The following MYLK4 variants were observed in gnomAD, a reference collection of about 807,000 sequenced individuals.
MYLK4 encodes caMLCK like.
A neutral mutation model predicts 48.1 loss-of-function variants in MYLK4; 46 were observed. That is an observed-to-expected ratio of 0.96 (90% confidence interval 0.75 to 1.22). MYLK4 has a LOEUF of 1.22. Among genes scored for constraint, MYLK4 ranks in the 50% most tolerant of loss-of-function variants. The pLI, the probability that MYLK4 is intolerant of heterozygous loss-of-function variation, is 0.00. For missense variants in MYLK4, 451 were observed against 486.1 expected (o/e 0.93, Z 0.68); for synonymous variants, 170 against 180.8 (o/e 0.94, Z 0.48).
rs113582800 is a variant in MYLK4 at position 2,676,479 on chromosome 6, C to T, written c.1041-1354G>A. Among the ~76,000 whole-genome samples, 39 of 152,284 alleles carry T rather than the reference C, an allele frequency of 2.6e-4. 1 individual carries two copies. Among genetic ancestry groups the T allele is most frequent in the African/African-American group, 8.2e-4 (34 of 41,562 alleles). On this transcript the variant is annotated intron_variant, in intron 10 of 12. Coordinates refer to ENST00000274643, the MANE Select transcript of MYLK4 (RefSeq NM_001012418.5). ...AAATGATGATTCTGTACTCTAGTGT[C>T]GAACTTCTTAAATCTGGCTATTAAA...
In MYLK4 at chr6:2,749,426, A is replaced by G. The variant is rs751167227; in HGVS notation, c.-112-20T>C. 3 of 701,658 alleles carry G rather than the reference A, an allele frequency of 4.3e-6. No individual in the cohort carries two copies. The highest frequency in any genetic ancestry group is 6.9e-6 in the Non-Finnish European group (3 of 431,752). 43.5% of individuals were successfully genotyped at this position (701,658 alleles called of 1,614,324 possible). On this transcript the variant is annotated intron_variant, in intron 1 of 12. Coordinates refer to ENST00000274643, the MANE Select transcript of MYLK4 (RefSeq NM_001012418.5). ...TCTTGACTGCAAAGAAAGGAAACACAAAAAGTTCTCATCACGTATTCATGC... is the reference window on the plus strand; with the variant it reads ...TCTTGACTGCAAAGAAAGGAAACACGAAAAGTTCTCATCACGTATTCATGC...
the MYLK4 span, among the ~76,000 whole-genome samples, chr6:2,766,686 T>G: frequency 6.6e-6 from 1 of 152,214 alleles, no homozygotes; most frequent in South Asian, 2.1e-4. Context: ...AAGGACGATG[T>G]CTGTGAATCC....
At position 2,684,878 on chromosome 6, in the gene MYLK4, C is replaced by A. The variant is rs1761467067; in HGVS notation, c.545+418G>T. On this transcript the variant is annotated intron_variant, in intron 6 of 12. Coordinates refer to ENST00000274643, the MANE Select transcript of MYLK4 (RefSeq NM_001012418.5). ...ATGACTGTACTCGGTTTCTAACTAA[C>A]CAGTCCTTATGTTTTTATAAAGGTG... Among the ~76,000 whole-genome samples the A allele has an allele frequency of 3.3e-5, 5 of 152,272 alleles. No individual in the cohort carries two copies. The South Asian group carries it at 1.0e-3, about 32-fold the overall frequency.
chr6:2,738,774 T>C (rs1763790172), intron 2 of MYLK4, among the ~76,000 whole-genome samples: 1 of 152,382 alleles, frequency 6.6e-6, no homozygotes, highest in East Asian at 1.9e-4. Context: ...CTGATAGCGC[T>C]TGTTTTCAAA....
Position 2,691,769 on chromosome 6 carries a change from G to A in MYLK4, c.235+1015C>T, listed in dbSNP as rs565358531. Among the ~76,000 whole-genome samples, 5 of 152,134 alleles carry A rather than the reference G, an allele frequency of 3.3e-5. No individual in the cohort carries two copies. The East Asian group carries it at 9.6e-4, about 29-fold the overall frequency. ...TGTCTACCAGTTGGTAGAAAACATA[G>A]AAAATAACAAAATGCCTGAAAATAT... is the stretch of plus-strand genomic sequence containing the variant. On this transcript the variant is annotated intron_variant, in intron 3 of 12. Transcript: ENST00000274643.
At chr6:2,758,311 A>C in the MYLK4 span, among the ~76,000 whole-genome samples, 1 of 151,688 alleles carries the variant, frequency 6.6e-6, no homozygotes. Context: ...ACAGTAATTT[A>C]TAATATTTTT....
At chr6:2,718,435 A>AG (rs1762948979) in intron 2 of MYLK4, among the ~76,000 whole-genome samples, 1 of 152,178 alleles carries the variant, frequency 6.6e-6, no homozygotes, top group Admixed American at 6.5e-5. Flanking sequence ...CTTTTGAAGA[A>AG]GGGGTAGCCA....
At chr6:2,763,884 T>C in the MYLK4 span, among the ~76,000 whole-genome samples, 4 of 151,524 alleles carry the variant, frequency 2.6e-5, no homozygotes, top group Admixed American at 6.6e-5. Flanking sequence ...CAGTGGCTCA[T>C]GCCTGTAATC....
intron 2 of MYLK4, among the ~76,000 whole-genome samples, chr6:2,716,019 C>CT (rs1262613272): frequency 3.9e-4 from 6 of 15,228 alleles, no homozygotes; most frequent in African/African-American, 9.5e-4. Context: ...TCTCTGCTGC[C>CT]TATTTTTTTT....
the MYLK4 span, chr6:2,766,461 C>A: frequency 6.7e-7 from 1 of 1,500,300 alleles, no homozygotes; most frequent in South Asian, 1.3e-5. Flanking sequence ...GCGGCCTTGG[C>A]CGTTGGGCTT....
intron 2 of MYLK4, among the ~76,000 whole-genome samples, chr6:2,699,559 A>G (rs1762213636): frequency 6.6e-6 from 1 of 151,720 alleles, no homozygotes; most frequent in East Asian, 1.9e-4. Flanking sequence ...GGCCTCCCAA[A>G]GTGCTGGGAT....
chr6:2,758,035 T>G, the MYLK4 span, among the ~76,000 whole-genome samples: 1 of 152,266 alleles, frequency 6.6e-6, no homozygotes, highest in South Asian at 2.1e-4. Flanking sequence ...CCTTATGGGG[T>G]TGTTGAGGGG....
intron 1 of MYLK4, 129 bp from the exon 2 acceptor site, chr6:2,749,535 G>T (rs190165810): frequency 5.7e-6 from 2 of 349,812 alleles, no homozygotes; most frequent in East Asian, 8.9e-5. Context: ...ATCAGGAAAA[G>T]AAATACTAAC....
chr6:2,675,071 C>G lies in MYLK4; in HGVS notation c.1095G>C (p.Lys365Asn). The G allele has an allele frequency of 1.9e-6, 3 of 1,614,050 alleles. No homozygotes were observed. Among genetic ancestry groups the G allele is most frequent in the Non-Finnish European group, 2.5e-6 (3 of 1,179,970 alleles). ...CCTGGGCATTGAGTCTGGAGTGGAGCTTGTGGTCTGACAACCAGGGGTGCT... is the reference window on the plus strand; with the variant it reads ...CCTGGGCATTGAGTCTGGAGTGGAGGTTGTGGTCTGACAACCAGGGGTGCT... Reference protein sequence around the residue: ...ALKHPWLSDHKLHSRLNAQKK... With the variant: ...ALKHPWLSDHNLHSRLNAQKK... Residue 365 changes from lysine (K) to asparagine (N), a missense_variant, in exon 11 of 13, where the codon AAG (lysine) becomes AAC (asparagine). By Grantham distance (94) the Lys-to-Asn change is moderately conservative (BLOSUM62 0). Coordinates refer to ENST00000274643, the MANE Select transcript of MYLK4 (RefSeq NM_001012418.5).
chr6:2,679,470 A>G, intron 8 of MYLK4, 62 bp from the exon 9 acceptor site: 1 of 1,593,722 alleles, frequency 6.3e-7, no homozygotes, highest in Non-Finnish European at 8.6e-7. Flanking sequence ...GAACACTGAA[A>G]TGATGTAGTC....
intron 2 of MYLK4, among the ~76,000 whole-genome samples, chr6:2,723,311 A>C (rs1421636724): frequency 1.3e-5 from 2 of 152,172 alleles, no homozygotes; most frequent in African/African-American, 2.4e-5. Flanking sequence ...AGAAAAGAAA[A>C]AGTTATGTGA....
intron 2 of MYLK4, among the ~76,000 whole-genome samples, chr6:2,713,268 G>T (rs952741507): frequency 9.9e-5 from 15 of 151,970 alleles, no homozygotes; most frequent in African/African-American, 3.6e-4. Context: ...TACCTGGGAG[G>T]CTGAGGCAGG....
At chr6:2,760,695 A>G in the MYLK4 span, among the ~76,000 whole-genome samples, 7 of 152,214 alleles carry the variant, frequency 4.6e-5, no homozygotes, top group African/African-American at 1.7e-4. Context: ...AACTAATAAG[A>G]GTTCACAAAA....
At chr6:2,764,194 A>G in the MYLK4 span, among the ~76,000 whole-genome samples, 21 of 152,332 alleles carry the variant, frequency 1.4e-4, no homozygotes, top group African/African-American at 5.1e-4. Flanking sequence ...ATTAAAGTTT[A>G]ACTTGTTTCT....
Sources: gnomAD v4.1 joint callset for allele counts (sites outside exome capture counted in the v4.1 genomes callset) on GRCh38, gnomAD v4.1.1 for gene constraint, MANE v1.5 for transcripts, NCBI Gene and HGNC (gene_info 2026-07-23, HGNC 2026-07-21) for gene names.